Variants in NRXN1 observed in about 807,000 individuals in gnomAD.
The protein encoded by NRXN1 is neurexin-1.
In NRXN1, 39 loss-of-function variants were observed where a neutral mutation model predicts 150.9. The ratio of observed to expected loss-of-function variants is 0.26; its 90% CI spans 0.20 to 0.34. The LOEUF is 0.34. Ranked by LOEUF, NRXN1 falls within the 10% of genes least tolerant of loss-of-function variation. The probability of loss-of-function intolerance (pLI) is 1.00; values close to 1 mark genes in which losing one functional copy is unlikely to be tolerated. For missense variants in NRXN1, 1,815 were observed against 1,949.9 expected, an observed-to-expected ratio of 0.93 and a Z score of 1.30; for synonymous variants, 924 against 757.0, an observed-to-expected ratio of 1.22 and a Z score of -3.62.
intron 17 of NRXN1, among the ~76,000 whole-genome samples, chr2:50,263,294 C>T (rs2068499560): frequency 6.6e-6 from 1 of 151,878 alleles, no homozygotes; most frequent in African/African-American, 2.4e-5. Context: ...TTTGAAAGTT[C>T]TGCCCTTCAT....
chr2:50,638,447 G>A (rs1459178471), intron 5 of NRXN1, among the ~76,000 whole-genome samples: 2 of 152,118 alleles, frequency 1.3e-5, no homozygotes. Context: ...CACATTATAA[G>A]AGAAGCAATC....
intron 17 of NRXN1, among the ~76,000 whole-genome samples, chr2:50,279,742 T>G (rs1009042170): frequency 1.3e-5 from 2 of 152,208 alleles, no homozygotes; most frequent in Non-Finnish European, 2.9e-5. Context: ...GTATCTCTTG[T>G]TGACAAAATG....
intron 2 of NRXN1, among the ~76,000 whole-genome samples, chr2:50,928,208 AG>A (rs1423242817): frequency 6.6e-6 from 1 of 151,938 alleles, no homozygotes; most frequent in African/African-American, 2.4e-5. Context: ...CAGAAAATTT[AG>A]ATTTAGAAAA....
intron 5 of NRXN1, chr2:50,918,418 A>G (rs1454349899): frequency 6.3e-6 from 2 of 317,284 alleles, no homozygotes; most frequent in African/African-American, 4.3e-5. Flanking sequence ...TCTACTAGGA[A>G]AAGTTAGCAT....
chr2:50,592,140 G>C (rs1233867972), intron 8 of NRXN1, among the ~76,000 whole-genome samples: 1 of 152,166 alleles, frequency 6.6e-6, no homozygotes, highest in Admixed American at 6.5e-5. Context: ...TATAAACTGT[G>C]CTTGCTAGCT....
At chr2:50,167,044 T>G (rs539263963) in intron 18 of NRXN1, among the ~76,000 whole-genome samples, 1 of 152,262 alleles carries the variant, frequency 6.6e-6, no homozygotes, top group South Asian at 2.1e-4. Context: ...ATAATTTTTA[T>G]GTTAAGGAGA....
Position 50,347,056 on chromosome 2 carries a change from G to A in NRXN1, c.3365-110086C>T. ...CGGCGCGGAGTGGGCTGAGGGGCCG[G>A]CCGCCTCACCGCGCCAGGGCACCCA... On this transcript the variant is annotated intron_variant, in intron 17 of 22. Transcript: ENST00000401669. This position sits in a 1 kb window ranked among gnomAD's most constrained non-coding sequence, Gnocchi z 4.9. 9 of 1,378,708 alleles carry A rather than the reference G, an allele frequency of 6.5e-6. No homozygotes were observed. Among genetic ancestry groups the A allele is most frequent in the South Asian group, 1.2e-5 (1 of 81,742 alleles). The allele number at this position is 1,378,708 out of a possible 1,614,324, so 85.4% of individuals were successfully genotyped here. A position where few individuals can be genotyped will look rare whatever the true frequency, so the allele number is the denominator to read the frequency against.
chr2:50,970,915 T>G (rs1156768964), intron 2 of NRXN1, among the ~76,000 whole-genome samples: 1 of 152,136 alleles, frequency 6.6e-6, no homozygotes, highest in African/African-American at 2.4e-5. Flanking sequence ...TTCTTTAAAC[T>G]TTGCTTTTAT....
chr2:50,887,320 A>C (rs557129371), intron 5 of NRXN1, among the ~76,000 whole-genome samples: 1 of 151,612 alleles, frequency 6.6e-6, no homozygotes, highest in African/African-American at 2.4e-5. Flanking sequence ...CTAAGCAGCT[A>C]AATATTTGCA....
At chr2:50,131,955 T>C (rs918265977) in intron 18 of NRXN1, among the ~76,000 whole-genome samples, 10 of 152,160 alleles carry the variant, frequency 6.6e-5, no homozygotes, top group Non-Finnish European at 1.5e-4. Flanking sequence ...ATTTTTGTTG[T>C]GGTTTTCAGT....
At chr2:50,677,834 G>A (rs779574678) in intron 5 of NRXN1, among the ~76,000 whole-genome samples, 2 of 151,670 alleles carry the variant, frequency 1.3e-5, no homozygotes, top group African/African-American at 4.8e-5. Context: ...CTACTTCTTC[G>A]TGCATGTGGA....
At chr2:50,108,749 G>C (rs1204591354) in intron 18 of NRXN1, among the ~76,000 whole-genome samples, 1 of 152,024 alleles carries the variant, frequency 6.6e-6, no homozygotes, top group Non-Finnish European at 1.5e-5. Context: ...AACACTAAAA[G>C]CGTTCCCAAT....
chr2:51,016,544 C>T (rs1029258624), intron 2 of NRXN1, among the ~76,000 whole-genome samples: 1 of 152,078 alleles, frequency 6.6e-6, no homozygotes, highest in Admixed American at 6.5e-5. Context: ...CAAATCAAAA[C>T]CACAATGAGA....
intron 18 of NRXN1, among the ~76,000 whole-genome samples, chr2:50,231,618 G>C (rs2064948667): frequency 6.6e-6 from 1 of 152,038 alleles, no homozygotes; most frequent in African/African-American, 2.4e-5. Flanking sequence ...GCTCTTTTAT[G>C]CTCCCAAGAT....
chr2:50,719,118 T>C (rs1181629832), intron 5 of NRXN1, among the ~76,000 whole-genome samples: 1 of 151,612 alleles, frequency 6.6e-6, no homozygotes, highest in South Asian at 2.1e-4. Context: ...GGCTTGGAGG[T>C]GTAAGATTAG....
At chr2:50,230,557 C>G (rs1401745857) in intron 18 of NRXN1, among the ~76,000 whole-genome samples, 1 of 151,820 alleles carries the variant, frequency 6.6e-6, no homozygotes, top group African/African-American at 2.4e-5. Context: ...AGAAGGATAG[C>G]TGAGAAAGTG....
At chr2:51,022,002 C>A (rs1669685645) in intron 2 of NRXN1, among the ~76,000 whole-genome samples, 1 of 152,034 alleles carries the variant, frequency 6.6e-6, no homozygotes, top group Admixed American at 6.6e-5. Context: ...AACATTAGAA[C>A]ACAGCTGCAT....
intron 18 of NRXN1, among the ~76,000 whole-genome samples, chr2:50,160,278 C>T (rs548933475): frequency 3.3e-5 from 5 of 152,096 alleles, no homozygotes; most frequent in African/African-American, 7.2e-5. Flanking sequence ...CAGTTGCTAA[C>T]GTCTGTAATC....
At chr2:50,719,664 A>C (rs905655399) in intron 5 of NRXN1, among the ~76,000 whole-genome samples, 5 of 152,160 alleles carry the variant, frequency 3.3e-5, no homozygotes, top group Admixed American at 2.0e-4. Context: ...CGACAGTGCA[A>C]GACTCTGTCT....
Sources: gnomAD v4.1 joint callset for allele counts (sites outside exome capture counted in the v4.1 genomes callset) on GRCh38, gnomAD v4.1.1 for gene constraint, Gnocchi (gnomAD v3.1) non-coding constraint, MANE v1.5 for transcripts, NCBI Gene and HGNC (gene_info 2026-07-23, HGNC 2026-07-21) for gene names.